GABRA3: variants seen among roughly 807,000 people sequenced by gnomAD.
GABRA3 encodes gamma-aminobutyric acid type A receptor subunit alpha3, also known as gamma-aminobutyric acid receptor subunit alpha-3.
In GABRA3, 10 loss-of-function variants were observed where a neutral mutation model predicts 30.1. That is an observed-to-expected ratio of 0.33 (90% confidence interval 0.20 to 0.56). The LOEUF is 0.56. Ranked by LOEUF, GABRA3 falls within the 20% of genes least tolerant of loss-of-function variation. The pLI, the probability that GABRA3 is intolerant of heterozygous loss-of-function variation, is 0.89. For missense variants in GABRA3, 233 were observed against 392.0 expected (o/e 0.59, Z 3.42); for synonymous variants, 151 against 146.8 (o/e 1.03, Z -0.21).
intron 3 of GABRA3, among the ~76,000 whole-genome samples, chrX:152,322,450 C>T (rs1202067331): frequency 9.0e-6 from 1 of 111,517 alleles, no homozygotes; most frequent in Non-Finnish European, 1.9e-5. Flanking sequence ...TACTAAATGC[C>T]ACTGAATTGT....
intron 7 of GABRA3, among the ~76,000 whole-genome samples, chrX:152,201,664 G>A (rs1257144080): frequency 8.9e-6 from 1 of 111,958 alleles, no homozygotes; most frequent in East Asian, 2.8e-4. Flanking sequence ...TCACAACTTA[G>A]CTAGTTTCTA....
intron 1 of GABRA3, among the ~76,000 whole-genome samples, chrX:152,374,863 C>T (rs1928954082): frequency 9.0e-6 from 1 of 111,433 alleles, no homozygotes; most frequent in Admixed American, 9.6e-5. Context: ...ATATGGCTAG[C>T]CAGTTCTCCC....
At chrX:152,363,131 A>T (rs1022428046) in intron 2 of GABRA3, among the ~76,000 whole-genome samples, 5 of 111,541 alleles carry the variant, frequency 4.5e-5, no homozygotes, top group Non-Finnish European at 3.8e-5. Flanking sequence ...CACTCAGGGG[A>T]TCTGTAGGGT....
intron 6 of GABRA3, among the ~76,000 whole-genome samples, chrX:152,210,051 T>G (rs1224480340): frequency 1.8e-5 from 2 of 112,850 alleles, no homozygotes; most frequent in Non-Finnish European, 3.7e-5. Context: ...AAAGGTTTGT[T>G]GCTGAAAGCA....
intron 7 of GABRA3, among the ~76,000 whole-genome samples, chrX:152,200,354 C>T (rs1937466521): frequency 8.9e-6 from 1 of 112,302 alleles, no homozygotes; most frequent in African/African-American, 3.2e-5. Flanking sequence ...TCATCCAAGG[C>T]TCAATATACA....
chrX:152,243,389 GC>G (rs2124404230), intron 5 of GABRA3, among the ~76,000 whole-genome samples: 1 of 111,840 alleles, frequency 8.9e-6, no homozygotes, highest in African/African-American at 3.2e-5. Context: ...ATGAAAATTA[GC>G]TTGATTTAGC....
intron 1 of GABRA3, among the ~76,000 whole-genome samples, chrX:152,382,457 C>G (rs1929171505): frequency 8.9e-6 from 1 of 112,299 alleles, no homozygotes; most frequent in African/African-American, 3.2e-5. Flanking sequence ...GTAAATCATT[C>G]TACCATAAAG....
At chrX:152,309,460 A>G (rs1392947213) in intron 3 of GABRA3, among the ~76,000 whole-genome samples, 1 of 110,832 alleles carries the variant, frequency 9.0e-6, no homozygotes, top group Admixed American at 9.6e-5. Context: ...TTCAGCAGAA[A>G]CCCTATAAGC....
intron 5 of GABRA3, among the ~76,000 whole-genome samples, chrX:152,230,728 A>G (rs1347013165): frequency 9.0e-6 from 1 of 111,285 alleles, no homozygotes; most frequent in African/African-American, 3.3e-5. Context: ...AGCTTTCTCA[A>G]TGTTTCTAGG....
At position 152,311,315 on chromosome X, in the gene GABRA3, A is replaced by G. The variant is rs1490171358; in HGVS notation, c.263-26580T>C. Among the ~76,000 whole-genome samples, 3 of 111,950 alleles carry G rather than the reference A, an allele frequency of 2.7e-5. No individual in the cohort carries two copies. The South Asian group carries it at 1.1e-3, about 42-fold the overall frequency. On this transcript the variant is annotated intron_variant, in intron 3 of 9. Coordinates refer to ENST00000370314, the MANE Select transcript of GABRA3 (RefSeq NM_000808.4). The stretch of plus-strand genomic sequence containing the variant: ...TAGATGCAAAAATCCTTAACAAAAT[A>G]CTAGCACACCAAATCCAGCAACACA...
chrX:152,207,379 C>T (rs1937565993), intron 7 of GABRA3, among the ~76,000 whole-genome samples: 1 of 111,777 alleles, frequency 8.9e-6, no homozygotes, highest in South Asian at 3.8e-4. Context: ...CCTCAGGCCC[C>T]TTGAACTGCT....
intron 5 of GABRA3, among the ~76,000 whole-genome samples, chrX:152,248,458 T>C (rs1229715443): frequency 6.3e-5 from 7 of 111,315 alleles, no homozygotes; most frequent in African/African-American, 2.3e-4. Flanking sequence ...TTGCACGTTG[T>C]GCACATGTAC....
chrX:152,411,062 C>G lies in GABRA3; in HGVS notation c.-27+40084G>C, dbSNP rs763793340. ...TGGTGACTCATGTCTGTAATCCCAG[C>G]ACTTGGGGAGGCCAAGGTGGGAAGA... On this transcript the variant is annotated intron_variant, in intron 1 of 9. Transcript: ENST00000370314. Among the ~76,000 whole-genome samples, 11 of 112,062 alleles carry G rather than the reference C, an allele frequency of 9.8e-5. No individual in the cohort carries two copies. In the South Asian group the frequency reaches 1.9e-3, roughly 19 times the overall value.
chrX:152,302,065 A>G (rs769058544), intron 3 of GABRA3, among the ~76,000 whole-genome samples: 1 of 111,847 alleles, frequency 8.9e-6, no homozygotes, highest in East Asian at 2.8e-4. Flanking sequence ...AAAAGACAAT[A>G]TATGAATTAG....
intron 3 of GABRA3, among the ~76,000 whole-genome samples, chrX:152,314,411 T>C (rs779420123): frequency 1.8e-5 from 2 of 112,325 alleles, no homozygotes; most frequent in Admixed American, 1.9e-4. Context: ...AAATCTTATT[T>C]TAAGAGTAAG....
intron 6 of GABRA3, among the ~76,000 whole-genome samples, chrX:152,221,996 T>C (rs1351666695): frequency 1.8e-5 from 2 of 111,978 alleles, no homozygotes; most frequent in Non-Finnish European, 3.8e-5. Context: ...GTGTGTTAGC[T>C]TGCTAAGGAT....
intron 3 of GABRA3, among the ~76,000 whole-genome samples, chrX:152,320,856 C>T (rs535897653): frequency 8.9e-5 from 10 of 112,093 alleles, no homozygotes; most frequent in African/African-American, 3.2e-4. Context: ...AGGGATCAAA[C>T]TTCTCAGAGC....
intron 3 of GABRA3, among the ~76,000 whole-genome samples, chrX:152,342,717 G>A (rs749915984): frequency 1.8e-5 from 2 of 111,044 alleles, no homozygotes; most frequent in African/African-American, 3.3e-5. Context: ...TTTTTGTTCC[G>A]AGATAATGTG....
At chrX:152,173,439 A>C (rs916496588) in intron 9 of GABRA3, among the ~76,000 whole-genome samples, 1 of 110,719 alleles carries the variant, frequency 9.0e-6, no homozygotes, top group African/African-American at 3.3e-5. Flanking sequence ...TTAAACTAGA[A>C]TATATATGTA....
Sources: allele counts gnomAD v4.1 joint callset (sites outside exome capture counted in the v4.1 genomes callset), GRCh38; gene constraint gnomAD v4.1.1; transcripts MANE v1.5; gene names NCBI Gene and HGNC (gene_info 2026-07-23, HGNC 2026-07-21).